The following PPP3CC variants were observed in gnomAD, a reference collection of about 807,000 sequenced individuals.
The protein encoded by PPP3CC is serine/threonine-protein phosphatase 2B catalytic subunit gamma isoform.
A neutral mutation model predicts 60.3 loss-of-function variants in PPP3CC; 35 were observed. That is an observed-to-expected ratio of 0.58 (90% CI 0.44 to 0.77). PPP3CC has a LOEUF of 0.77. PPP3CC is among the 30% of genes least tolerant of loss of function. PPP3CC has a pLI of 0.00. For synonymous variants in PPP3CC, 206 were observed against 224.3 expected (o/e 0.92, Z 0.73); for missense variants, 570 against 628.9 (o/e 0.91, Z 1.00).
chr8:22,502,673 ACT>A (rs991194351), intron 4 of PPP3CC, among the ~76,000 whole-genome samples: 8 of 152,118 alleles, frequency 5.3e-5, no homozygotes, highest in Admixed American at 1.3e-4. Flanking sequence ...ACAGAGCAAG[ACT>A]CTGTCTCCAA....
In PPP3CC at chr8:22,513,545, AT is replaced by A. The variant is rs1319746388; in HGVS notation, c.770+118del. ...TATGTAGTATAAGCACTCCTGTTTA[AT>A]TTTTCGATTAATAGGAGGCAAGAAA... On this transcript the variant is annotated intron_variant, in intron 6 of 13. Transcript: ENST00000240139. 9.2e-6 allele frequency: 11 copies of A among 1,199,728 alleles called. No individual in the cohort carries two copies. In the Admixed American group the frequency reaches 1.5e-4, roughly 16 times the overall value. The allele number at this position is 1,199,728 out of a possible 1,614,324, so 74.3% of individuals were successfully genotyped here.
chr8:22,489,540 T>C (rs896614339), intron 3 of PPP3CC, among the ~76,000 whole-genome samples: 1 of 147,576 alleles, frequency 6.8e-6, no homozygotes, highest in Non-Finnish European at 1.5e-5. Context: ...AGTCCTTTAC[T>C]GTATTTTCTA....
At chr8:22,492,059 T>C (rs1838420473) in intron 3 of PPP3CC, among the ~76,000 whole-genome samples, 1 of 152,106 alleles carries the variant, frequency 6.6e-6, no homozygotes, top group Non-Finnish European at 1.5e-5. Context: ...GAAATCATCA[T>C]AGAGTGTACT....
At chr8:22,483,948 C>T (rs1205441872) in intron 3 of PPP3CC, among the ~76,000 whole-genome samples, 12 of 152,110 alleles carry the variant, frequency 7.9e-5, no homozygotes, top group African/African-American at 2.7e-4. Flanking sequence ...TCAAGCAGTC[C>T]TCCTGCCTCA....
chr8:22,467,593 G>A (rs13439001), intron 1 of PPP3CC, among the ~76,000 whole-genome samples: 5,972 of 151,958 alleles, frequency 0.039, 407 homozygotes, highest in African/African-American at 0.14. Context: ...CACCACACCC[G>A]GCTAATTTTT....
intron 1 of PPP3CC, among the ~76,000 whole-genome samples, chr8:22,442,899 A>T (rs2132417302): frequency 6.6e-6 from 1 of 152,296 alleles, no homozygotes; most frequent in South Asian, 2.1e-4. Flanking sequence ...GCAATGCTAT[A>T]CCAGTTCAGT....
chr8:22,480,398 T>C (rs1206812467), intron 3 of PPP3CC, among the ~76,000 whole-genome samples: 2 of 152,260 alleles, frequency 1.3e-5, no homozygotes, highest in East Asian at 3.8e-4. Context: ...AGCCTGATCA[T>C]TTCATATCTC....
chr8:22,457,621 T>C (rs537020425), intron 1 of PPP3CC, among the ~76,000 whole-genome samples: 1 of 152,328 alleles, frequency 6.6e-6, no homozygotes, highest in Admixed American at 6.5e-5. Context: ...GTCTCAACTT[T>C]CTCATACACT....
At chr8:22,450,079 C>T (rs911481538) in intron 1 of PPP3CC, among the ~76,000 whole-genome samples, 3 of 151,970 alleles carry the variant, frequency 2.0e-5, no homozygotes, top group African/African-American at 7.3e-5. Flanking sequence ...CCATGTTGGT[C>T]AGGCTGGTCT....
intron 11 of PPP3CC, 23 bp from the exon 12 acceptor site, chr8:22,532,898 C>G (rs1256654154): frequency 6.6e-7 from 1 of 1,515,036 alleles, no homozygotes; most frequent in South Asian, 1.2e-5. Flanking sequence ...GGCATTAACC[C>G]AGGGTTTGGT....
chr8:22,521,626 A>G (rs981811780), intron 6 of PPP3CC, among the ~76,000 whole-genome samples: 2 of 152,172 alleles, frequency 1.3e-5, no homozygotes, highest in African/African-American at 4.8e-5. Context: ...CTCTTTTGCT[A>G]TCTTGCTTAC....
Position 22,475,525 on chromosome 8 carries a change from C to T in PPP3CC, c.273C>T (p.Phe91=), listed in dbSNP as rs558510846. Residue 91 remains phenylalanine (F), a synonymous_variant, in exon 3 of 14, where the codon TTC becomes TTT. Transcript: ENST00000240139. ...TATGTGGTGATATTCATGGACAATT[C>T]TTTGACCTAATGAAGTTATTTGAAG... is the stretch of plus-strand genomic sequence containing the variant. ...ITVCGDIHGQ[F]FDLMKLFEVG... 30 of 1,610,218 alleles carry T rather than the reference C, an allele frequency of 1.9e-5. No individual in the cohort carries two copies. Among genetic ancestry groups the T allele is most frequent in the Non-Finnish European group, 2.5e-5 (29 of 1,177,570 alleles).
intron 1 of PPP3CC, among the ~76,000 whole-genome samples, chr8:22,454,074 AACTTTT>A (rs1249342173): frequency 5.3e-5 from 8 of 152,232 alleles, no homozygotes; most frequent in African/African-American, 1.7e-4. Flanking sequence ...AGCTTACTGT[AACTTTT>A]ACTTTATAAA....
intron 3 of PPP3CC, among the ~76,000 whole-genome samples, chr8:22,477,421 G>T (rs1226930598): frequency 6.6e-6 from 1 of 151,582 alleles, no homozygotes; most frequent in African/African-American, 2.4e-5. Flanking sequence ...AGGTTGCAGT[G>T]GGCTATTGTG....
chr8:22,471,258 A>G (rs1263923943), intron 1 of PPP3CC, among the ~76,000 whole-genome samples: 3 of 149,438 alleles, frequency 2.0e-5, no homozygotes, highest in Non-Finnish European at 4.4e-5. Flanking sequence ...AGCTCCAAAT[A>G]TTCCCTTACT....
At chr8:22,537,952 G>A (rs79576325) in intron 12 of PPP3CC, among the ~76,000 whole-genome samples, 3,704 of 152,248 alleles carry the variant, frequency 0.024, 80 homozygotes, top group South Asian at 0.038. Flanking sequence ...TCTCATTGGG[G>A]CAATGAAAAT....
intron 4 of PPP3CC, among the ~76,000 whole-genome samples, chr8:22,499,971 T>A (rs907875048): frequency 2.0e-5 from 3 of 152,212 alleles, no homozygotes; most frequent in African/African-American, 7.2e-5. Context: ...TTCACTGTTG[T>A]TTTCCCCAAC....
intron 3 of PPP3CC, among the ~76,000 whole-genome samples, chr8:22,478,656 G>A (rs1000380591): frequency 2.0e-5 from 3 of 152,024 alleles, no homozygotes; most frequent in Non-Finnish European, 4.4e-5. Context: ...AAAGTTTCTT[G>A]AGTGCCAACT....
chr8:22,536,521 G>T (rs907408475), intron 12 of PPP3CC, among the ~76,000 whole-genome samples: 1 of 152,196 alleles, frequency 6.6e-6, no homozygotes, highest in East Asian at 1.9e-4. Context: ...TCTAATTCTT[G>T]GTCACCTTTT....
Sources: allele counts gnomAD v4.1 joint callset (sites outside exome capture counted in the v4.1 genomes callset), GRCh38; gene constraint gnomAD v4.1.1; transcripts MANE v1.5; gene names NCBI Gene and HGNC (gene_info 2026-07-23, HGNC 2026-07-21).